Variants in MRC1 observed in about 807,000 individuals in gnomAD.
The protein encoded by MRC1 is mannose receptor C-type 1, also known as macrophage mannose receptor 1.
Under a neutral mutation model 102.9 loss-of-function variants are expected in MRC1, and 62 were observed. The ratio of observed to expected loss-of-function variants is 0.60; its 90% CI spans 0.49 to 0.74. The LOEUF (loss-of-function observed/expected upper bound fraction) is 0.74, where lower values mean the gene tolerates loss of function less well. MRC1 is among the 30% of genes least tolerant of loss of function. The pLI is 0.00. For synonymous variants in MRC1, 457 were observed against 298.4 expected, an observed-to-expected ratio of 1.53 and a Z score of -5.48; for missense variants, 1,237 against 862.8, an observed-to-expected ratio of 1.43 and a Z score of -5.43.
chr10:17,861,311 C>G (rs980716766), intron 9 of MRC1, 76 bp from the exon 10 acceptor site: 1 of 690,052 alleles, frequency 1.4e-6, no homozygotes, highest in East Asian at 2.9e-5. Flanking sequence ...AAAACTGCAT[C>G]TCAAATAATA....
At chr10:17,889,419 T>C (rs914519949) in intron 22 of MRC1, among the ~76,000 whole-genome samples, 14 of 152,092 alleles carry the variant, frequency 9.2e-5, no homozygotes, top group Admixed American at 5.9e-4. Context: ...AGAAAGCTTT[T>C]TTCTTTTCTT....
chr10:17,826,260 T>C (rs1415605895), intron 2 of MRC1, among the ~76,000 whole-genome samples: 2 of 152,140 alleles, frequency 1.3e-5, no homozygotes, highest in African/African-American at 4.8e-5. Flanking sequence ...TGGAGTACAG[T>C]GGCGTGATCT....
At chr10:17,852,916 C>T in intron 7 of MRC1, 51 bp from the exon 8 acceptor site, 2 of 780,632 alleles carry the variant, frequency 2.6e-6, no homozygotes, top group South Asian at 1.3e-5. Context: ...TACCCCCCGA[C>T]CTTTGGAAAG....
intron 5 of MRC1, among the ~76,000 whole-genome samples, chr10:17,843,432 C>T (rs1263982886): frequency 1.3e-5 from 2 of 152,138 alleles, no homozygotes; most frequent in Non-Finnish European, 2.9e-5. Context: ...CTTTGGGAGG[C>T]TGAGGCGGGT....
intron 4 of MRC1, among the ~76,000 whole-genome samples, chr10:17,839,698 T>C (rs1411572430): frequency 6.6e-6 from 1 of 152,156 alleles, no homozygotes; most frequent in Non-Finnish European, 1.5e-5. Flanking sequence ...ATAGTTTTTA[T>C]TTTAATTAAT....
At chr10:17,860,516 C>A (rs1833169061) in intron 9 of MRC1, among the ~76,000 whole-genome samples, 1 of 152,124 alleles carries the variant, frequency 6.6e-6, no homozygotes, top group Non-Finnish European at 1.5e-5. Flanking sequence ...GGGCTCAAGT[C>A]ATCCTCCCAA....
intron 13 of MRC1, 37 bp from the exon 14 acceptor site, chr10:17,870,811 A>G: frequency 1.1e-6 from 1 of 871,388 alleles, no homozygotes; most frequent in Non-Finnish European, 2.0e-6. Context: ...TGCTTCATGC[A>G]ATAGCATATG....
chr10:17,867,704 G>C (rs2130671552), intron 12 of MRC1, among the ~76,000 whole-genome samples: 1 of 152,264 alleles, frequency 6.6e-6, no homozygotes, highest in Admixed American at 6.5e-5. Context: ...TTATAGGCAT[G>C]AGCCAGTGCA....
rs1156769767 is a variant in MRC1, at chr10:17,810,994, T to C, written c.61+1468T>C. On this transcript the variant is annotated intron_variant, in intron 1 of 29. Coordinates refer to ENST00000569591, the MANE Select transcript of MRC1 (RefSeq NM_002438.4). ...TTTTAGTAGAGACAACGTTTCACCA[T>C]GTTGGCCAGGCTGGCCTCGAACTCC... is the stretch of plus-strand genomic sequence containing the variant. 3.3e-5 allele frequency among the ~76,000 whole-genome samples: 5 copies of C among 152,252 alleles called. No individual in the cohort carries two copies. The East Asian group carries it at 9.7e-4, about 29-fold the overall frequency.
chr10:17,867,198 C>G (rs1225344105), intron 12 of MRC1, among the ~76,000 whole-genome samples: 2 of 149,488 alleles, frequency 1.3e-5, no homozygotes, highest in African/African-American at 4.9e-5. Context: ...TCCCTTCCTC[C>G]TGTCTTCCCT....
rs1838482871 is a variant in MRC1 at position 17,826,819 on chromosome 10, G to C, written c.464-723G>C. ...TTAACTTGTTGAAAAGAAAAACCTTGATTGTAGATGGTATATAACAGTTTT... is the reference window on the plus strand; with the variant it reads ...TTAACTTGTTGAAAAGAAAAACCTTCATTGTAGATGGTATATAACAGTTTT... On this transcript the variant is annotated intron_variant, in intron 2 of 29. Transcript: ENST00000569591. 2.0e-5 allele frequency among the ~76,000 whole-genome samples: 3 copies of C among 152,302 alleles called. No homozygotes were observed. The South Asian group carries it at 6.2e-4, about 32-fold the overall frequency.
intron 23 of MRC1, among the ~76,000 whole-genome samples, chr10:17,897,389 C>T (rs1833770397): frequency 6.6e-6 from 1 of 152,158 alleles, no homozygotes; most frequent in Non-Finnish European, 1.5e-5. Context: ...CTTGTAGGGG[C>T]TCCAACCCCT....
intron 23 of MRC1, among the ~76,000 whole-genome samples, chr10:17,896,299 G>A (rs2130712117): frequency 6.6e-6 from 1 of 152,276 alleles, no homozygotes; most frequent in Non-Finnish European, 1.5e-5. Flanking sequence ...TCAGATGGTT[G>A]AGAAGTACTC....
chr10:17,816,798 T>G (rs1838319432), intron 1 of MRC1, among the ~76,000 whole-genome samples: 1 of 152,200 alleles, frequency 6.6e-6, no homozygotes, highest in African/African-American at 2.4e-5. Context: ...GCATTTTATT[T>G]GCTGATAGTC....
intron 27 of MRC1, 80 bp downstream of exon 27, chr10:17,907,079 G>C: frequency 1.3e-6 from 1 of 757,594 alleles, no homozygotes; most frequent in Non-Finnish European, 2.5e-6. Flanking sequence ...TCCAAAATGT[G>C]TTGCCTTAAA....
intron 7 of MRC1, 79 bp from the exon 8 acceptor site, chr10:17,852,888 A>G (rs1304020253): frequency 1.3e-6 from 1 of 779,312 alleles, no homozygotes; most frequent in African/African-American, 1.7e-5. Flanking sequence ...GATAAAGCAG[A>G]GTGCCTTCCG....
intron 21 of MRC1, 138 bp downstream of exon 21, chr10:17,881,319 A>G: frequency 1.5e-6 from 1 of 667,244 alleles, no homozygotes; most frequent in South Asian, 1.8e-5. Context: ...TCAAATGCTT[A>G]TTGAAAACTA....
rs1833048938 is a variant in MRC1 at position 17,854,515 on chromosome 10, GGAAGGGTGGGTAGGAACT to G, written c.1407+1394_1407+1411del. On this transcript the variant is annotated intron_variant, in intron 8 of 29. Transcript: ENST00000569591. ...TGGTTGAAATCATGAAGTCAGAGCC[GGAAGGGTGGGTAGGAACT>G]GAGGTTCAAGAAACATGAGTTGTCT... Among the ~76,000 whole-genome samples the G allele has an allele frequency of 2.0e-5, 3 of 152,046 alleles. No individual in the cohort carries two copies. In the South Asian group the frequency reaches 6.3e-4, roughly 32 times the overall value.
At chr10:17,898,288 C>T in intron 24 of MRC1, 22 bp downstream of exon 24, 1 of 780,764 alleles carries the variant, frequency 1.3e-6, no homozygotes, top group East Asian at 2.4e-5. Flanking sequence ...GAAATATGTG[C>T]AACTTGACAT....
Sources: gnomAD v4.1 joint callset for allele counts (sites outside exome capture counted in the v4.1 genomes callset) on GRCh38, gnomAD v4.1.1 for gene constraint, MANE v1.5 for transcripts, NCBI Gene and HGNC (gene_info 2026-07-23, HGNC 2026-07-21) for gene names.